NPSR1: variants seen among roughly 807,000 people sequenced by gnomAD.
NPSR1 encodes neuropeptide S receptor.
In NPSR1, 48 loss-of-function variants were observed where a neutral mutation model predicts 46.9. That is an observed-to-expected ratio of 1.02 (90% CI 0.81 to 1.30). The LOEUF is 1.30. Among genes scored for constraint, NPSR1 ranks in the 50% most tolerant of loss-of-function variants. The pLI is 0.00. For synonymous variants in NPSR1, 176 were observed against 168.1 expected (o/e 1.05, Z -0.36); for missense variants, 450 against 449.5 (o/e 1.00, Z -0.01).
chr7:34,724,275 AG>A (rs1452214228), intron 2 of NPSR1, among the ~76,000 whole-genome samples: 4 of 152,218 alleles, frequency 2.6e-5, no homozygotes, highest in Non-Finnish European at 5.9e-5. Flanking sequence ...AATAAACCTA[AG>A]AACTCTGGAG....
chr7:34,834,371 G>A lies in NPSR1; in HGVS notation c.681-13G>A, dbSNP rs759894051. On this transcript the variant is annotated splice_polypyrimidine_tract_variant and intron_variant, in intron 5 of 8. Coordinates refer to ENST00000360581, the MANE Select transcript of NPSR1 (RefSeq NM_207172.2). ...ACCAGTCACTTTAATACTACCTTTG[G>A]TTCTTTCTGCAGCATCATGTATGGC... 1.2e-6 allele frequency: 2 copies of A among 1,610,228 alleles called. No individual in the cohort carries two copies. Among genetic ancestry groups the A allele is most frequent in the South Asian group, 2.2e-5 (2 of 90,932 alleles).
chr7:34,770,929 G>C (rs1786654864), intron 2 of NPSR1, among the ~76,000 whole-genome samples: 1 of 152,174 alleles, frequency 6.6e-6, no homozygotes, highest in South Asian at 2.1e-4. Flanking sequence ...GGGAGAAAGA[G>C]GATGAGCCCA....
intron 2 of NPSR1, among the ~76,000 whole-genome samples, chr7:34,688,758 T>C (rs970621421): frequency 6.6e-6 from 1 of 152,146 alleles, no homozygotes; most frequent in Non-Finnish European, 1.5e-5. Flanking sequence ...CAGGAAAACT[T>C]TGTGGCAGTA....
At chr7:34,770,238 GTTCA>G (rs1482610385) in intron 2 of NPSR1, among the ~76,000 whole-genome samples, 1 of 152,114 alleles carries the variant, frequency 6.6e-6, no homozygotes, top group Non-Finnish European at 1.5e-5. Context: ...AGTCCATTCC[GTTCA>G]TTCATCCAGT....
intron 1 of NPSR1, among the ~76,000 whole-genome samples, chr7:34,665,806 A>G (rs746289358): frequency 3.9e-5 from 6 of 151,950 alleles, no homozygotes; most frequent in Non-Finnish European, 8.8e-5. Context: ...ACACACACAC[A>G]CGCATACACA....
intron 1 of NPSR1, among the ~76,000 whole-genome samples, chr7:34,662,085 T>C (rs1019724435): frequency 9.2e-5 from 14 of 152,186 alleles, no homozygotes; most frequent in African/African-American, 3.4e-4. Context: ...CCTGTCTTGA[T>C]TAGTGAATTA....
intron 1 of NPSR1, among the ~76,000 whole-genome samples, chr7:34,669,568 CAAAAAAAAAAAA>C (rs540666804): frequency 7.5e-6 from 1 of 133,696 alleles, no homozygotes; most frequent in South Asian, 2.4e-4. Context: ...GACTCTGTTT[CAAAAAAAAAAAA>C]AGAAAGAAAG....
At chr7:34,795,749 A>G (rs1420520080) in intron 3 of NPSR1, among the ~76,000 whole-genome samples, 1 of 152,148 alleles carries the variant, frequency 6.6e-6, no homozygotes, top group Non-Finnish European at 1.5e-5. Context: ...GAATGAAAGT[A>G]ATCAAAGAAA....
rs1793589766 is a variant in NPSR1 at position 34,697,461 on chromosome 7, C to T, written c.280+12777C>T. ...ATATATAGAGTTATTCCCCAGTATC[C>T]ATGGAGGATTAGTTCCAGAATCCCC... is the stretch of plus-strand genomic sequence containing the variant. On this transcript the variant is annotated intron_variant, in intron 2 of 8. Transcript: ENST00000360581. 2.6e-5 allele frequency among the ~76,000 whole-genome samples: 4 copies of T among 151,778 alleles called. 1 individual carries two copies. The South Asian group carries it at 8.3e-4, about 31-fold the overall frequency.
intron 4 of NPSR1, among the ~76,000 whole-genome samples, chr7:34,824,117 G>A (rs1789713100): frequency 1.3e-5 from 2 of 152,214 alleles, no homozygotes; most frequent in African/African-American, 4.8e-5. Context: ...ATTTCTAAAT[G>A]TGTAATCTAT....
chr7:34,687,374 C>G (rs1277726760), intron 2 of NPSR1, among the ~76,000 whole-genome samples: 1 of 152,102 alleles, frequency 6.6e-6, no homozygotes, highest in African/African-American at 2.4e-5. Context: ...TGAAGAAATT[C>G]TCGAGACTGG....
rs1195566733 is a variant in NPSR1 at position 34,697,984 on chromosome 7, A to G, written c.280+13300A>G. 2.0e-5 allele frequency among the ~76,000 whole-genome samples: 3 copies of G among 152,164 alleles called. 1 individual carries two copies. Among genetic ancestry groups the G allele is most frequent in the Admixed American group, 2.0e-4 (3 of 15,276 alleles). ...AATTTGTTTATAAAAGGTGTACACC[A>G]TAAATAAAATGATGCAGGTTAAAAT... On this transcript the variant is annotated intron_variant, in intron 2 of 8. Transcript: ENST00000360581.
chr7:34,802,255 G>C lies in NPSR1; in HGVS notation c.385-9515G>C, dbSNP rs970709286. Among the ~76,000 whole-genome samples the C allele has an allele frequency of 8.0e-5, 12 of 150,210 alleles. No individual in the cohort carries two copies. The East Asian group carries it at 1.5e-3, about 19-fold the overall frequency. On this transcript the variant is annotated intron_variant, in intron 3 of 8. Coordinates refer to ENST00000360581, the MANE Select transcript of NPSR1 (RefSeq NM_207172.2). ...GGAACCAAAAAAGAGCTCACATCGC[G>C]AAGTCAATCCTAAGCCAAAAGAACA...
intron 3 of NPSR1, among the ~76,000 whole-genome samples, chr7:34,790,841 ATATATGT>A (rs1787745687): frequency 7.7e-6 from 1 of 129,206 alleles, no homozygotes; most frequent in African/African-American, 2.8e-5. Context: ...GTTATGTTAT[ATATATGT>A]TATATGTTAT....
At chr7:34,815,420 T>C (rs942887876) in intron 4 of NPSR1, among the ~76,000 whole-genome samples, 4 of 152,152 alleles carry the variant, frequency 2.6e-5, no homozygotes, top group Non-Finnish European at 5.9e-5. Flanking sequence ...TATGGTACTA[T>C]GTGAAAAGAC....
At chr7:34,660,474 A>G (rs1791399435) in intron 1 of NPSR1, among the ~76,000 whole-genome samples, 1 of 152,218 alleles carries the variant, frequency 6.6e-6, no homozygotes, top group Non-Finnish European at 1.5e-5. Context: ...AATTCATTTT[A>G]TCTGACATAC....
At chr7:34,794,928 A>G (rs975743603) in intron 3 of NPSR1, among the ~76,000 whole-genome samples, 1 of 152,180 alleles carries the variant, frequency 6.6e-6, no homozygotes, top group Non-Finnish European at 1.5e-5. Flanking sequence ...ACTCCTAGCT[A>G]CTTGGGAGGT....
chr7:34,678,819 CTG>C (rs1792466249), intron 1 of NPSR1, among the ~76,000 whole-genome samples: 1 of 136,614 alleles, frequency 7.3e-6, no homozygotes, highest in South Asian at 2.2e-4. Context: ...GAACTAGACT[CTG>C]TCTCAAAAAA....
intron 3 of NPSR1, among the ~76,000 whole-genome samples, chr7:34,791,522 C>CA (rs1432438643): frequency 6.6e-6 from 1 of 150,616 alleles, no homozygotes; most frequent in Non-Finnish European, 1.5e-5. Context: ...TAGACTTATA[C>CA]AAAAAAACTA....
Sources: gnomAD v4.1 joint callset for allele counts (sites outside exome capture counted in the v4.1 genomes callset) on GRCh38, gnomAD v4.1.1 for gene constraint, MANE v1.5 for transcripts, NCBI Gene and HGNC (gene_info 2026-07-23, HGNC 2026-07-21) for gene names.